TYW1B: variants seen among roughly 807,000 people sequenced by gnomAD.
TYW1B encodes tRNA-yW synthesizing protein 1 homolog B.
In TYW1B, 73 loss-of-function variants were observed where a neutral mutation model predicts 86.9. The ratio of observed to expected loss-of-function variants is 0.84; its 90% CI spans 0.70 to 1.02. The LOEUF (loss-of-function observed/expected upper bound fraction) is 1.02. Among genes scored for constraint, TYW1B ranks in the 50% least tolerant of loss-of-function variants. The pLI is 0.00. For synonymous variants in TYW1B, 248 were observed against 292.8 expected, an observed-to-expected ratio of 0.85 and a Z score of 1.56; for missense variants, 637 against 827.4, an observed-to-expected ratio of 0.77 and a Z score of 2.82.
chr7:72,577,824 G>A (rs1477167369), intron 13 of TYW1B, among the ~76,000 whole-genome samples: 2 of 152,254 alleles, frequency 1.3e-5, no homozygotes, highest in East Asian at 1.9e-4. Flanking sequence ...CTCACGTGAC[G>A]CCCAAGCTGT....
At chr7:72,741,526 A>C (rs1198723782) in intron 8 of TYW1B, among the ~76,000 whole-genome samples, 1 of 152,192 alleles carries the variant, frequency 6.6e-6, no homozygotes, top group Non-Finnish European at 1.5e-5. Flanking sequence ...ACATATGCAT[A>C]ATAAAAGTTC....
At chr7:72,593,185 G>A (rs1290107805) in intron 13 of TYW1B, among the ~76,000 whole-genome samples, 1 of 151,952 alleles carries the variant, frequency 6.6e-6, no homozygotes, top group African/African-American at 2.4e-5. Context: ...CCAGCTACTC[G>A]GGGGGCTGAG....
chr7:72,738,761 T>C (rs1256812288), intron 8 of TYW1B, among the ~76,000 whole-genome samples: 1 of 152,092 alleles, frequency 6.6e-6, no homozygotes, highest in Admixed American at 6.6e-5. Flanking sequence ...CATCTCTAGA[T>C]AACTAAAAGA....
chr7:72,811,216 A>G (rs1458153970), intron 3 of TYW1B, among the ~76,000 whole-genome samples: 2 of 149,786 alleles, frequency 1.3e-5, no homozygotes, highest in East Asian at 3.9e-4. Context: ...GCTTGTAGTG[A>G]GCCGAGATCG....
chr7:72,671,847 CT>C (rs34112293), intron 11 of TYW1B, among the ~76,000 whole-genome samples: 12,576 of 145,090 alleles, frequency 0.087, 1,053 homozygotes, highest in East Asian at 0.45. Flanking sequence ...TTTAAAAAGT[CT>C]TTTTTTTTTT....
chr7:72,667,606 C>T (rs533863993), intron 11 of TYW1B, among the ~76,000 whole-genome samples: 8 of 152,146 alleles, frequency 5.3e-5, no homozygotes, highest in African/African-American at 1.4e-4. Flanking sequence ...CCCAGCTACT[C>T]GGAAGGCTGA....
intron 10 of TYW1B, among the ~76,000 whole-genome samples, chr7:72,706,855 T>G (rs1382702929): frequency 6.6e-5 from 10 of 152,006 alleles, no homozygotes; most frequent in African/African-American, 2.4e-4. Flanking sequence ...CAATGTTGGC[T>G]CCAAAAAAAA....
rs781892655 is a variant in TYW1B at position 72,744,487 on chromosome 7, C to A, written c.1079G>T (p.Trp360Leu). 7.4e-6 allele frequency: 12 copies of A among 1,613,468 alleles called. No homozygotes were observed. The South Asian group carries it at 1.2e-4, about 16-fold the overall frequency. The change falls in exon 8 of 14, where the codon TGG becomes TTG. Residue 360 changes from tryptophan to leucine, a missense_variant. Transcript: ENST00000620995. ...LACANKCVFCWWHHNNPVGTE... is the reference protein window; with the variant it reads ...LACANKCVFCLWHHNNPVGTE... ...ATGACCTTTCATTTTTACTTACCAC[C>A]AACAGAAGACACATTTATTAGCACA...
intron 13 of TYW1B, among the ~76,000 whole-genome samples, chr7:72,600,305 T>C (rs1376104310): frequency 3.3e-5 from 5 of 152,228 alleles, no homozygotes; most frequent in Admixed American, 2.6e-4. Context: ...ACTTTAACAA[T>C]TGGATGTCCT....
intron 12 of TYW1B, among the ~76,000 whole-genome samples, chr7:72,626,498 T>C (rs1404337194): frequency 2.0e-5 from 3 of 152,224 alleles, no homozygotes; most frequent in African/African-American, 7.2e-5. Flanking sequence ...TCTACTTGGA[T>C]ATTTAAAAGA....
chr7:72,761,590 C>CA (rs35579702), intron 7 of TYW1B, among the ~76,000 whole-genome samples: 98,103 of 139,904 alleles, frequency 0.7, 34,180 homozygotes, highest in Non-Finnish European at 0.77. Context: ...GACCCTGTCT[C>CA]AAAAAAAAAA....
chr7:72,782,072 C>T (rs569909437), intron 6 of TYW1B, among the ~76,000 whole-genome samples: 5 of 152,064 alleles, frequency 3.3e-5, no homozygotes, highest in South Asian at 2.1e-4. Flanking sequence ...CTGGTTGAGC[C>T]GAGGAGTTGG....
intron 11 of TYW1B, among the ~76,000 whole-genome samples, chr7:72,654,742 G>A (rs367621380): frequency 2.7e-4 from 41 of 152,182 alleles, no homozygotes; most frequent in African/African-American, 7.5e-4. Context: ...TTAGCCAGGC[G>A]TGGTGGTTGA....
chr7:72,728,575 G>A (rs139890775), intron 9 of TYW1B, among the ~76,000 whole-genome samples: 2 of 152,300 alleles, frequency 1.3e-5, no homozygotes, highest in African/African-American at 4.8e-5. Flanking sequence ...CCAAAGTGCT[G>A]GGATTAGACA....
At chr7:72,697,031 TAAA>T (rs781801843) in intron 10 of TYW1B, among the ~76,000 whole-genome samples, 199 of 137,752 alleles carry the variant, frequency 1.4e-3, no homozygotes, top group African/African-American at 5.3e-3. Context: ...GATTTCTACT[TAAA>T]AAAAAAAAAA....
At chr7:72,677,167 G>A (rs1163599013) in intron 11 of TYW1B, among the ~76,000 whole-genome samples, 3 of 151,920 alleles carry the variant, frequency 2.0e-5, no homozygotes, top group South Asian at 2.1e-4. Flanking sequence ...TCATTCATTC[G>A]AGACAGGGTG....
chr7:72,796,621 G>C (rs777054426), intron 6 of TYW1B, among the ~76,000 whole-genome samples: 48 of 151,584 alleles, frequency 3.2e-4, no homozygotes, highest in Non-Finnish European at 5.9e-4. Flanking sequence ...AGTTTGGCCT[G>C]TAAGAAACCC....
chr7:72,711,756 G>T (rs1159528643), intron 10 of TYW1B, among the ~76,000 whole-genome samples: 3 of 151,622 alleles, frequency 2.0e-5, no homozygotes, highest in African/African-American at 7.3e-5. Context: ...CAAAGTGCTG[G>T]GATTACAGGC....
intron 8 of TYW1B, among the ~76,000 whole-genome samples, chr7:72,731,413 A>AC (rs1787106801): frequency 6.6e-6 from 1 of 150,788 alleles, no homozygotes; most frequent in Admixed American, 6.6e-5. Context: ...AAAAAAAAAA[A>AC]AACAAGAGAG....
Sources: allele counts gnomAD v4.1 joint callset (sites outside exome capture counted in the v4.1 genomes callset), GRCh38; gene constraint gnomAD v4.1.1; transcripts MANE v1.5; gene names NCBI Gene and HGNC (gene_info 2026-07-23, HGNC 2026-07-21).